The following TNK2 variants were observed in gnomAD, a reference collection of about 807,000 sequenced individuals.
TNK2 encodes the protein tyrosine kinase non receptor 2, also known as activated CDC42 kinase 1.
TNK2 carries 83 observed loss-of-function variants against 101.8 expected under a neutral mutation model. The observed-to-expected ratio is 0.82, with a 90% confidence interval of 0.68 to 0.98. The LOEUF (loss-of-function observed/expected upper bound fraction) is 0.98, where lower values mean the gene tolerates loss of function less well. Ranked by LOEUF, TNK2 falls within the 50% of genes least tolerant of loss-of-function variation. The pLI, the probability that TNK2 is intolerant of heterozygous loss-of-function variation, is 0.00. For missense variants in TNK2, 1,665 were observed against 1,483.2 expected, an observed-to-expected ratio of 1.12 and a Z score of -2.01; for synonymous variants, 804 against 633.0, an observed-to-expected ratio of 1.27 and a Z score of -4.06.
chr3:195,874,550 GC>G (rs1747834086), intron 9 of TNK2, among the ~76,000 whole-genome samples: 1 of 140,384 alleles, frequency 7.1e-6, no homozygotes, highest in Admixed American at 7.1e-5. Flanking sequence ...TCGGGATGGC[GC>G]CCACGCACGC....
At chr3:195,907,825 C>T (rs1011187367) in intron 1 of TNK2, among the ~76,000 whole-genome samples, 2 of 152,222 alleles carry the variant, frequency 1.3e-5, no homozygotes, top group Non-Finnish European at 2.9e-5. Context: ...GGTGCAAGTG[C>T]ACCCTCCTCT....
Position 195,883,383 on chromosome 3 carries a change from T to C in TNK2, c.457-74A>G, listed in dbSNP as rs1036972700. The stretch of plus-strand genomic sequence containing the variant: ...CACGCGGAGCCAACCTGCTCCACCC[T>C]CCAACTCGGCTCAACGATCCCTGCC... On this transcript the variant is annotated intron_variant, in intron 4 of 15. Transcript: ENST00000672887. 1.9e-5 allele frequency: 30 copies of C among 1,566,616 alleles called. No individual in the cohort carries two copies. In the African/African-American group the frequency reaches 3.8e-4, roughly 20 times the overall value.
rs915455852 is a variant in TNK2, at chr3:195,883,312, G to T, written c.457-3C>A. On this transcript the variant is annotated splice_region_variant and splice_polypyrimidine_tract_variant and intron_variant, in intron 4 of 15. Coordinates refer to ENST00000672887, the MANE Select transcript of TNK2 (RefSeq NM_001382273.1). ...AGGCACTTCACAGCCACACTCACCT[G>T]CCCAGAGCGGGATTTGCAAGGACTC... 6.2e-7 allele frequency: 1 copy of T among 1,612,768 alleles called. No homozygotes were observed.
At chr3:195,892,263 G>T (rs1361927805) in intron 1 of TNK2, 5 of 801,594 alleles carry the variant, frequency 6.2e-6, no homozygotes, top group Admixed American at 3.0e-5. Context: ...GCAGCCGCAG[G>T]AGAGGCCACT....
At chr3:195,874,102 C>T (rs1396407653) in intron 9 of TNK2, among the ~76,000 whole-genome samples, 1 of 152,218 alleles carries the variant, frequency 6.6e-6, no homozygotes, top group African/African-American at 2.4e-5. Context: ...GGCTGGGCTG[C>T]GGCTCTCCCG....
At chr3:195,866,005 C>T (rs1466163560) in intron 15 of TNK2, among the ~76,000 whole-genome samples, 3 of 152,232 alleles carry the variant, frequency 2.0e-5, no homozygotes, top group African/African-American at 4.8e-5. Flanking sequence ...CCCCTCCTCC[C>T]GCCAGTGCCT....
At chr3:195,892,561 C>G in intron 1 of TNK2, 1 of 1,496,972 alleles carries the variant, frequency 6.7e-7, no homozygotes. Context: ...TCGCACTCTG[C>G]CCAGGAGCCC....
chr3:195,888,806 G>A lies in TNK2; in HGVS notation c.-18-200C>T, dbSNP rs1000868489. On this transcript the variant is annotated intron_variant, in intron 1 of 15. Coordinates refer to ENST00000672887, the MANE Select transcript of TNK2 (RefSeq NM_001382273.1). The surrounding 1 kb of genome is among the most constrained non-coding windows in gnomAD (Gnocchi z 5.3). ...GCCAGCCACAGGGCACAATTAGGGCGGCGGAGATACAGCCCTGGCCCTGGA... is the reference window on the plus strand; with the variant it reads ...GCCAGCCACAGGGCACAATTAGGGCAGCGGAGATACAGCCCTGGCCCTGGA... Among the ~76,000 whole-genome samples, 7 of 152,050 alleles carry A rather than the reference G, an allele frequency of 4.6e-5. No homozygotes were observed. The highest frequency in any genetic ancestry group is 4.6e-4 in the Admixed American group (7 of 15,252).
In TNK2 at chr3:195,878,070, A is replaced by G. The variant is rs920072790; in HGVS notation, c.1256+183T>C. Among the ~76,000 whole-genome samples, 2 of 151,834 alleles carry G rather than the reference A, an allele frequency of 1.3e-5. No individual in the cohort carries two copies. Among genetic ancestry groups the G allele is most frequent in the African/African-American group, 4.8e-5 (2 of 41,320 alleles). ...AAAGGGTGGTGGAGGGAAGCTGGGC[A>G]GGGAAAGGCACTAGGAAGACGGAGG... On this transcript the variant is annotated intron_variant, in intron 9 of 15. Coordinates refer to ENST00000672887, the MANE Select transcript of TNK2 (RefSeq NM_001382273.1). The surrounding 1 kb of genome is among the most constrained non-coding windows in gnomAD (Gnocchi z 4.7).
chr3:195,907,331 A>ACC (rs1761834177), intron 1 of TNK2, among the ~76,000 whole-genome samples: 1 of 152,158 alleles, frequency 6.6e-6, no homozygotes, highest in Non-Finnish European at 1.5e-5. Context: ...GAGCGGGCTA[A>ACC]CCGGCTCCTC....
At chr3:195,869,021 C>T (rs1188613362) in intron 12 of TNK2, 4 of 474,938 alleles carry the variant, frequency 8.4e-6, no homozygotes, top group African/African-American at 2.0e-5. Flanking sequence ...ACCCCGGCGG[C>T]CCTGCTCCTG....
At chr3:195,892,683 T>C in intron 1 of TNK2, 1 of 1,334,402 alleles carries the variant, frequency 7.5e-7, no homozygotes, top group Non-Finnish European at 9.6e-7. Context: ...GGAGCAGAGC[T>C]TTCCTCACGC....
intron 15 of TNK2, 117 bp from the exon 16 acceptor site, chr3:195,864,304 A>T: frequency 8.7e-7 from 1 of 1,148,824 alleles, no homozygotes; most frequent in Non-Finnish European, 1.3e-6. Context: ...GTCCCCGGCA[A>T]GGACTGTAAA....
intron 9 of TNK2, among the ~76,000 whole-genome samples, chr3:195,876,292 A>G (rs759809335): frequency 6.6e-6 from 1 of 152,236 alleles, no homozygotes; most frequent in Non-Finnish European, 1.5e-5. Context: ...AGACTCAGTC[A>G]GAGCTGCGGC....
rs779650881 is a variant in TNK2, at chr3:195,868,326, C to T, written c.1972G>A (p.Asp658Asn). 6.2e-7 allele frequency: 1 copy of T among 1,602,906 alleles called. No individual in the cohort carries two copies. Among genetic ancestry groups the T allele is most frequent in the Non-Finnish European group, 8.5e-7 (1 of 1,179,218 alleles). ...TTGATGGAGCAGATCTCAAAGTCAT[C>T]CTCATCCTGGGCCACGTCGTCATAG... ...PAYDDVAQDEDDFEICSINST... is the reference protein window; with the variant it reads ...PAYDDVAQDENDFEICSINST... The change falls in exon 13 of 16, where the codon GAT becomes AAT. Residue 658 changes from aspartate to asparagine, a missense_variant. Transcript: ENST00000672887.
At chr3:195,898,632 T>G (rs1295015357) in intron 1 of TNK2, among the ~76,000 whole-genome samples, 2 of 150,882 alleles carry the variant, frequency 1.3e-5, no homozygotes, top group Non-Finnish European at 3.0e-5. Flanking sequence ...TCTTCTTGTT[T>G]TTTGTTTTTA....
rs753806662 is a variant in TNK2 at position 195,878,239 on chromosome 3, C to T, written c.1256+14G>A. 8.7e-6 allele frequency: 14 copies of T among 1,613,760 alleles called. No homozygotes were observed. In the South Asian group the frequency reaches 1.3e-4, roughly 15 times the overall value. On this transcript the variant is annotated intron_variant, in intron 9 of 15. Coordinates refer to ENST00000672887, the MANE Select transcript of TNK2 (RefSeq NM_001382273.1). This position sits in a 1 kb window ranked among gnomAD's most constrained non-coding sequence, Gnocchi z 4.7. ...AAGCGATCCCAGGGCGGGGCCCAGCCCTGCACTCCCTACCTTCCCTCGATG... is the reference window on the plus strand; with the variant it reads ...AAGCGATCCCAGGGCGGGGCCCAGCTCTGCACTCCCTACCTTCCCTCGATG...
Position 195,872,316 on chromosome 3 carries a change from C to G in TNK2, c.1411G>C (p.Asp471His). The G allele has an allele frequency of 6.2e-7, 1 of 1,613,238 alleles. No homozygotes were observed. The highest frequency in any genetic ancestry group is 8.5e-7 in the Non-Finnish European group (1 of 1,179,930). Residue 471 changes from aspartate to histidine, a missense_variant, in exon 10 of 16, where the codon GAC (aspartate) becomes CAC (histidine). Transcript: ENST00000672887. ...SFIHTGHGDS[D>H]PRHCWGFPDR... Reference sequence around the variant, plus strand: ...GGGAAGCCCCAGCAGTGGCGGGGGTCACTGTCGCCATGCCCTGTGTGGATG... The same window carrying G: ...GGGAAGCCCCAGCAGTGGCGGGGGTGACTGTCGCCATGCCCTGTGTGGATG...
chr3:195,870,245 G>T, intron 10 of TNK2, 40 bp from the exon 11 acceptor site: 1 of 1,599,964 alleles, frequency 6.3e-7, no homozygotes, highest in Non-Finnish European at 8.5e-7. Context: ...CAGGGGAAGC[G>T]TGTGGAGGGG....
Sources: allele counts gnomAD v4.1 joint callset (sites outside exome capture counted in the v4.1 genomes callset), GRCh38; gene constraint gnomAD v4.1.1; non-coding constraint Gnocchi (gnomAD v3.1); transcripts MANE v1.5; gene names NCBI Gene and HGNC (gene_info 2026-07-23, HGNC 2026-07-21).